Variants in HTR3C observed in about 807,000 individuals in gnomAD.
HTR3C encodes the protein 5-hydroxytryptamine receptor 3C.
Under a neutral mutation model 40.5 loss-of-function variants are expected in HTR3C, and 32 were observed. The observed-to-expected ratio is 0.79, with a 90% CI of 0.60 to 1.06. The LOEUF (loss-of-function observed/expected upper bound fraction) is 1.06. Among genes scored for constraint, HTR3C ranks in the 50% least tolerant of loss-of-function variants. HTR3C has a pLI of 0.00. For missense variants in HTR3C, 523 were observed against 556.8 expected, an observed-to-expected ratio of 0.94 and a Z score of 0.61; for synonymous variants, 209 against 217.1, an observed-to-expected ratio of 0.96 and a Z score of 0.33.
At chr3:184,054,663 GA>G in intron 1 of HTR3C, 57 bp from the exon 2 acceptor site, 1 of 1,431,220 alleles carries the variant, frequency 7.0e-7, no homozygotes. Context: ...TCTCTCTGCA[GA>G]GAGACTCCAG....
intron 1 of HTR3C, among the ~76,000 whole-genome samples, chr3:184,053,770 T>A (rs1723269823): frequency 6.6e-6 from 1 of 151,466 alleles, no homozygotes; most frequent in Non-Finnish European, 1.5e-5. Context: ...TTGTTTGTTT[T>A]TTGACATGAA....
At chr3:184,054,097 A>G (rs924513460) in intron 1 of HTR3C, among the ~76,000 whole-genome samples, 2 of 152,172 alleles carry the variant, frequency 1.3e-5, no homozygotes, top group African/African-American at 4.8e-5. Flanking sequence ...ATGCTCAGTG[A>G]TGTCACCTCA....
chr3:184,056,212 A>C lies in HTR3C; in HGVS notation c.315A>C (p.Lys105Asn). The change falls in exon 4 of 9, where the codon AAA becomes AAC. Residue 105 changes from lysine to asparagine, a missense_variant. Lys to Asn is a moderately conservative substitution (Grantham distance 94, BLOSUM62 0). Transcript: ENST00000318351. ...ATCCTTTCATTAATTGGAACCCAAA[A>C]GAGTGTGTTGGCATCAATAAACTCA... ...WDNPFINWNP[K>N]ECVGINKLTV... The C allele has an allele frequency of 6.2e-7, 1 of 1,613,938 alleles. No individual in the cohort carries two copies. Among genetic ancestry groups the C allele is most frequent in the East Asian group, 2.2e-5 (1 of 44,876 alleles).
Position 184,054,711 on chromosome 3 carries a change from C to T in HTR3C, c.68-10C>T, listed in dbSNP as rs748587586. 6.4e-7 allele frequency: 1 copy of T among 1,566,566 alleles called. No individual in the cohort carries two copies. Among genetic ancestry groups the T allele is most frequent in the African/African-American group, 1.4e-5 (1 of 72,944 alleles). On this transcript the variant is annotated splice_polypyrimidine_tract_variant and intron_variant, in intron 1 of 8. Coordinates refer to ENST00000318351, the MANE Select transcript of HTR3C (RefSeq NM_130770.3). ...GAGTCCCTCTCTCACGGAGTCTCTG[C>T]TCTCTATAGGAAGAGGCGACGCTTT...
At chr3:184,059,664 AG>A in intron 7 of HTR3C, 24 bp downstream of exon 7, 2 of 1,613,322 alleles carry the variant, frequency 1.2e-6, no homozygotes, top group Non-Finnish European at 1.7e-6. Context: ...CACTTTCAGG[AG>A]GAGAAAGGGC....
intron 6 of HTR3C, 118 bp downstream of exon 6, chr3:184,058,705 C>G: frequency 8.9e-7 from 1 of 1,127,944 alleles, no homozygotes; most frequent in South Asian, 1.6e-5. Context: ...TGGCTCACAC[C>G]TGTAATCCCA....
rs1723395312 is a variant in HTR3C, at chr3:184,059,429, T to C, written c.721-7T>C. ...TTTATTTGCCATCTTCTCCGGTCTCTCTCCAGGTGGCCATCAGGCGCAGGC... is the reference window on the plus strand; with the variant it reads ...TTTATTTGCCATCTTCTCCGGTCTCCCTCCAGGTGGCCATCAGGCGCAGGC... On this transcript the variant is annotated splice_polypyrimidine_tract_variant and splice_region_variant and intron_variant, in intron 6 of 8. Coordinates refer to ENST00000318351, the MANE Select transcript of HTR3C (RefSeq NM_130770.3). 5 of 1,613,536 alleles carry C rather than the reference T, an allele frequency of 3.1e-6. No homozygotes were observed. Among genetic ancestry groups the C allele is most frequent in the Non-Finnish European group, 4.2e-6 (5 of 1,179,612 alleles).
At chr3:184,054,977 G>A in intron 2 of HTR3C, 90 bp downstream of exon 2, 1 of 1,345,278 alleles carries the variant, frequency 7.4e-7, no homozygotes, top group Non-Finnish European at 1.0e-6. Context: ...CTGGCCCCGT[G>A]GTGAACAATA....
chr3:184,057,694 C>A (rs1041526828), intron 5 of HTR3C, among the ~76,000 whole-genome samples: 2 of 152,192 alleles, frequency 1.3e-5, no homozygotes, highest in African/African-American at 4.8e-5. Flanking sequence ...GAGACTGCAC[C>A]ACTGCACTCC....
rs1723410086 is a variant in HTR3C, at chr3:184,059,906, T to G, written c.1004T>G (p.Val335Gly). The G allele has an allele frequency of 6.2e-7, 1 of 1,613,838 alleles. No homozygotes were observed. Among genetic ancestry groups the G allele is most frequent in the Admixed American group, 1.7e-5 (1 of 60,000 alleles). Residue 335 changes from valine to glycine, a missense_variant, in exon 8 of 9, where the codon GTG (valine) becomes GGG (glycine). Physicochemically the swap from Val to Gly is moderately radical, Grantham distance 109 (BLOSUM62 -3). Coordinates refer to ENST00000318351, the MANE Select transcript of HTR3C (RefSeq NM_130770.3). The part of the protein sequence containing the change: ...ETVFITYLLH[V>G]ATTQPPPMPR... ...GTCTTCATTACCTACCTGCTGCACG[T>G]GGCCACCACCCAGCCCCCACCCATG...
Position 184,054,829 on chromosome 3 carries a change from A to G in HTR3C, c.176A>G (p.Asn59Ser), listed in dbSNP as rs148336193. Residue 59 changes from asparagine to serine, a missense_variant, in exon 2 of 9, where the codon AAC becomes AGC. Physicochemically the swap from Asn to Ser is conservative, Grantham distance 46. Coordinates refer to ENST00000318351, the MANE Select transcript of HTR3C (RefSeq NM_130770.3). ...AGAAAGGCCTTCCGTCCATTCACCA[A>G]CTACAGCATCCCTACCCGTGTCAAC... ...FDRKAFRPFT[N>S]YSIPTRVNIS... is the part of the protein sequence containing the mutation. 10 of 1,613,818 alleles carry G rather than the reference A, an allele frequency of 6.2e-6. No homozygotes were observed. Among genetic ancestry groups the G allele is most frequent in the South Asian group, 1.1e-5 (1 of 91,044 alleles).
Position 184,059,178 on chromosome 3 carries a change from A to T in HTR3C, c.721-258A>T, listed in dbSNP as rs374399806. ...GCTCAGAATGGATCAGCTCACCCCT[A>T]CTGCTCAGAATGACTTAAAGGGCCC... On this transcript the variant is annotated intron_variant, in intron 6 of 8. Coordinates refer to ENST00000318351, the MANE Select transcript of HTR3C (RefSeq NM_130770.3). Among the ~76,000 whole-genome samples, 7 of 152,042 alleles carry T rather than the reference A, an allele frequency of 4.6e-5. 1 individual carries two copies. The highest frequency in any genetic ancestry group is 3.3e-4 in the Admixed American group (5 of 15,262).
chr3:184,059,689 G>C lies in HTR3C; in HGVS notation c.925+49G>C, dbSNP rs55781728. ...AGGAGAAAGGGCACCCGGGGCCAGG[G>C]AGGAGGGCCAGGAGAAATGGCCGCT... On this transcript the variant is annotated intron_variant, in intron 7 of 8. Transcript: ENST00000318351. 652 of 1,606,662 alleles carry C rather than the reference G, an allele frequency of 4.1e-4. 1 individual carries two copies. Among genetic ancestry groups the C allele is most frequent in the Non-Finnish European group, 5.3e-4 (621 of 1,173,326 alleles).
rs149942453 is a variant in HTR3C, at chr3:184,059,483, G to A, written c.768G>A (p.Val256=). The A allele has an allele frequency of 2.5e-6, 4 of 1,614,152 alleles. No homozygotes were observed. Among genetic ancestry groups the A allele is most frequent in the Non-Finnish European group, 3.4e-6 (4 of 1,180,032 alleles). ...GCCTCTACATCATAAACCTGCTGGT[G>A]CCCAGTAGCTTTCTGGTTGCCATTG... ...RPSLYIINLL[V]PSSFLVAIDA... Residue 256 remains valine (V), a synonymous_variant, in exon 7 of 9, where the codon GTG becomes GTA. Transcript: ENST00000318351.
intron 6 of HTR3C, among the ~76,000 whole-genome samples, chr3:184,058,808 AC>A (rs1723383996): frequency 2.0e-5 from 3 of 152,156 alleles, no homozygotes; most frequent in African/African-American, 7.2e-5. Flanking sequence ...AATTTAAAAA[AC>A]ACAAAAATTA....
intron 4 of HTR3C, 125 bp downstream of exon 4, chr3:184,056,411 A>C (rs1272043807): frequency 2.9e-6 from 2 of 687,762 alleles, no homozygotes; most frequent in Admixed American, 2.3e-5. Flanking sequence ...ACTGACTTCC[A>C]CACATCACTA....
chr3:184,059,772 G>C, intron 7 of HTR3C, 56 bp from the exon 8 acceptor site: 1 of 1,602,476 alleles, frequency 6.2e-7, no homozygotes, highest in Non-Finnish European at 8.5e-7. Context: ...AAAGAGGCGT[G>C]AGGAATGCTT....
chr3:184,056,145 A>G (rs1723320089), intron 3 of HTR3C, 32 bp from the exon 4 acceptor site: 1 of 1,400,170 alleles, frequency 7.1e-7, no homozygotes. Flanking sequence ...GCTCACCGTC[A>G]CTCACCTCTG....
At chr3:184,059,286 A>G in intron 6 of HTR3C, 150 bp from the exon 7 acceptor site, 3 of 662,134 alleles carry the variant, frequency 4.5e-6, no homozygotes, top group Non-Finnish European at 5.2e-6. Flanking sequence ...AGAGGCCCCT[A>G]TGTAGGCGAG....
Sources: gnomAD v4.1 joint callset for allele counts (sites outside exome capture counted in the v4.1 genomes callset) on GRCh38, gnomAD v4.1.1 for gene constraint, MANE v1.5 for transcripts, NCBI Gene and HGNC (gene_info 2026-07-23, HGNC 2026-07-21) for gene names.